The following TBC1D15 variants were observed in gnomAD, a reference collection of about 807,000 sequenced individuals.
TBC1D15 encodes the protein TBC1 domain family member 15, also known as GAP for RAB7.
Under a neutral mutation model 95.4 loss-of-function variants are expected in TBC1D15, and 39 were observed. The ratio of observed to expected loss-of-function variants is 0.41; its 90% CI spans 0.32 to 0.53. The LOEUF (loss-of-function observed/expected upper bound fraction) is 0.53, where lower values mean the gene tolerates loss of function less well. Ranked by LOEUF, TBC1D15 falls within the 20% of genes least tolerant of loss-of-function variation. The pLI, the probability that TBC1D15 is intolerant of heterozygous loss-of-function variation, is 0.29. For synonymous variants in TBC1D15, 258 were observed against 261.3 expected (o/e 0.99, Z 0.12); for missense variants, 733 against 794.3 (o/e 0.92, Z 0.93).
chr12:71,906,854 A>T (rs532895236), intron 10 of TBC1D15, among the ~76,000 whole-genome samples, 168 bp from the exon 11 acceptor site: 1 of 152,256 alleles, frequency 6.6e-6, no homozygotes, highest in Admixed American at 6.5e-5. Flanking sequence ...CTGAAATGTT[A>T]CTTTATTGCA....
chr12:71,908,338 A>G (rs1294670439), intron 11 of TBC1D15, among the ~76,000 whole-genome samples: 1 of 152,248 alleles, frequency 6.6e-6, no homozygotes, highest in Non-Finnish European at 1.5e-5. Flanking sequence ...TTAAATAAGT[A>G]TAAATACTAG....
intron 10 of TBC1D15, among the ~76,000 whole-genome samples, chr12:71,904,262 A>C (rs1056807131): frequency 6.6e-6 from 1 of 152,214 alleles, no homozygotes; most frequent in Non-Finnish European, 1.5e-5. Context: ...TGCATAGAGG[A>C]ATAAGGAGAT....
chr12:71,889,223 C>G (rs1388726479), intron 5 of TBC1D15, among the ~76,000 whole-genome samples: 1 of 152,148 alleles, frequency 6.6e-6, no homozygotes, highest in Non-Finnish European at 1.5e-5. Context: ...TTTAGTGAAC[C>G]AGGATGTGGC....
intron 1 of TBC1D15, among the ~76,000 whole-genome samples, chr12:71,851,272 G>C (rs969232300): frequency 2.6e-5 from 4 of 152,060 alleles, no homozygotes; most frequent in Non-Finnish European, 5.9e-5. Flanking sequence ...AGAGTGGATG[G>C]TGTTAAACCG....
intron 1 of TBC1D15, chr12:71,868,916 T>A (rs1307366378): frequency 6.6e-6 from 1 of 152,220 alleles, no homozygotes; most frequent in Non-Finnish European, 1.5e-5. Context: ...GAAGTGTTAT[T>A]TCTGAGTATG....
rs370164488 is a variant in TBC1D15, at chr12:71,878,524, G to GTT, written c.205-1935_205-1934dup. Among the ~76,000 whole-genome samples, 67 of 143,778 alleles carry GTT rather than the reference G, an allele frequency of 4.7e-4. 1 individual carries two copies. The highest frequency in any genetic ancestry group is 1.3e-3 in the African/African-American group (52 of 39,486). The allele number at this position is 143,778 out of a possible 152,430, so 94.3% of individuals were successfully genotyped here. A position where few individuals can be genotyped will look rare whatever the true frequency, so the allele number is the denominator to read the frequency against. On this transcript the variant is annotated intron_variant, in intron 3 of 16. Transcript: ENST00000485960. The stretch of plus-strand genomic sequence containing the variant: ...AATAGGGATGGTGGTGAGGGTTTTT[G>GTT]TTTTTTTTTTTGGAGGAGTCTCTCT...
At chr12:71,876,843 C>G (rs775749471) in intron 3 of TBC1D15, among the ~76,000 whole-genome samples, 1 of 146,212 alleles carries the variant, frequency 6.8e-6, no homozygotes, top group Admixed American at 6.9e-5. Context: ...CAGAGTCTCT[C>G]TCTGTCTCCC....
chr12:71,912,216 T>G (rs189805655), intron 11 of TBC1D15, among the ~76,000 whole-genome samples: 2 of 152,284 alleles, frequency 1.3e-5, no homozygotes, highest in African/African-American at 4.8e-5. Flanking sequence ...TTTAAAAGTG[T>G]GCATTATTTT....
chr12:71,888,907 T>G (rs575257149), intron 5 of TBC1D15, among the ~76,000 whole-genome samples: 1 of 151,836 alleles, frequency 6.6e-6, no homozygotes, highest in African/African-American at 2.4e-5. Flanking sequence ...GTGTCTTAGA[T>G]GCAGTAGTGC....
At chr12:71,840,166 C>G (rs1221797750) in intron 1 of TBC1D15, among the ~76,000 whole-genome samples, 1 of 152,194 alleles carries the variant, frequency 6.6e-6, no homozygotes, top group East Asian at 1.9e-4. Context: ...TCTTCTGACT[C>G]CAGCGTCTTT....
intron 12 of TBC1D15, among the ~76,000 whole-genome samples, chr12:71,916,469 A>C (rs2139052435): frequency 6.6e-6 from 1 of 152,298 alleles, no homozygotes; most frequent in South Asian, 2.1e-4. Context: ...TAAAGCCTTG[A>C]GTTAGTCTAT....
At chr12:71,862,486 A>G (rs994073002) in intron 1 of TBC1D15, among the ~76,000 whole-genome samples, 2 of 152,178 alleles carry the variant, frequency 1.3e-5, no homozygotes, top group Non-Finnish European at 2.9e-5. Context: ...TATCTGATAC[A>G]TGTAAAGCTA....
intron 11 of TBC1D15, among the ~76,000 whole-genome samples, chr12:71,912,401 C>T (rs919964868): frequency 5.9e-5 from 9 of 152,026 alleles, no homozygotes; most frequent in Non-Finnish European, 1.2e-4. Context: ...CCACAGGGTG[C>T]AGTGTAGACA....
intron 4 of TBC1D15, among the ~76,000 whole-genome samples, chr12:71,882,639 A>G (rs1895434358): frequency 6.6e-6 from 1 of 152,200 alleles, no homozygotes; most frequent in African/African-American, 2.4e-5. Flanking sequence ...ATTTCTGGCT[A>G]GCTATTTGCA....
intron 5 of TBC1D15, among the ~76,000 whole-genome samples, chr12:71,889,561 A>G (rs1896859523): frequency 6.6e-6 from 1 of 152,234 alleles, no homozygotes; most frequent in Non-Finnish European, 1.5e-5. Flanking sequence ...GAATAAAGCT[A>G]TTCCAAGTAA....
intron 5 of TBC1D15, among the ~76,000 whole-genome samples, chr12:71,888,502 A>C (rs1345492415): frequency 6.6e-6 from 1 of 152,060 alleles, no homozygotes; most frequent in African/African-American, 2.4e-5. Flanking sequence ...GATGGTGATG[A>C]AAATACTGTT....
Position 71,886,837 on chromosome 12 carries a change from G to A in TBC1D15, c.554+1816G>A, listed in dbSNP as rs148897855. 7.2e-5 allele frequency among the ~76,000 whole-genome samples: 11 copies of A among 152,268 alleles called. No individual in the cohort carries two copies. The East Asian group carries it at 2.1e-3, about 29-fold the overall frequency. ...AGAAAATTATGGTTATTTAATAGCAGGCATTAAAGAGTTGGGAGTTTTAGC... is the reference window on the plus strand; with the variant it reads ...AGAAAATTATGGTTATTTAATAGCAAGCATTAAAGAGTTGGGAGTTTTAGC... On this transcript the variant is annotated intron_variant, in intron 5 of 16. Coordinates refer to ENST00000485960, the MANE Select transcript of TBC1D15 (RefSeq NM_001146213.3).
chr12:71,839,806 G>T lies in TBC1D15; in HGVS notation c.25G>T (p.Gly9Trp). Residue 9 changes from glycine (G) to tryptophan (W), a missense_variant, in exon 1 of 17, where the codon GGG becomes TGG. Physicochemically the swap from Gly to Trp is radical, Grantham distance 184. Coordinates refer to ENST00000485960, the MANE Select transcript of TBC1D15 (RefSeq NM_001146213.3). ...CATGGCGGCGGCGGGTGTTGTGAGC[G>T]GGAAGGTAGGTAACGGCCTCCAGGA... is the stretch of plus-strand genomic sequence containing the variant. MAAAGVVS[G>W]KIIYEQEGVY... 1 of 1,614,154 alleles carries T rather than the reference G, an allele frequency of 6.2e-7. No homozygotes were observed. The highest frequency in any genetic ancestry group is 8.5e-7 in the Non-Finnish European group (1 of 1,180,016).
At chr12:71,855,019 A>G (rs1413909624) in intron 1 of TBC1D15, among the ~76,000 whole-genome samples, 4 of 152,200 alleles carry the variant, frequency 2.6e-5, no homozygotes, top group Non-Finnish European at 5.9e-5. Flanking sequence ...TTTATAAAGG[A>G]AAGAGGTTTA....
Sources: allele counts gnomAD v4.1 joint callset (sites outside exome capture counted in the v4.1 genomes callset), GRCh38; gene constraint gnomAD v4.1.1; transcripts MANE v1.5; gene names NCBI Gene and HGNC (gene_info 2026-07-23, HGNC 2026-07-21).